TEX11: variants seen among roughly 807,000 people sequenced by gnomAD.
TEX11 encodes testis expressed 11.
TEX11 carries 7 observed loss-of-function variants against 84.4 expected under a neutral mutation model. The observed-to-expected ratio is 0.08, with a 90% CI of 0.05 to 0.16. The LOEUF is 0.16. Among genes scored for constraint, TEX11 ranks in the 10% least tolerant of loss-of-function variants. TEX11 has a pLI of 1.00. For synonymous variants in TEX11, 264 were observed against 222.8 expected, an observed-to-expected ratio of 1.18 and a Z score of -1.64; for missense variants, 551 against 660.5, an observed-to-expected ratio of 0.83 and a Z score of 1.82.
intron 4 of TEX11, among the ~76,000 whole-genome samples, chrX:70,863,253 C>T (rs923894995): frequency 8.9e-6 from 1 of 111,907 alleles, no homozygotes; most frequent in African/African-American, 3.2e-5. Context: ...TCAAGTGGGT[C>T]CCTGACCCCC....
intron 25 of TEX11, among the ~76,000 whole-genome samples, chrX:70,589,876 T>C (rs998698605): frequency 1.8e-5 from 2 of 112,428 alleles, no homozygotes; most frequent in Non-Finnish European, 3.8e-5. Flanking sequence ...TTTAGCACTT[T>C]AAATTCTACT....
intron 9 of TEX11, among the ~76,000 whole-genome samples, chrX:70,761,192 G>A (rs954479048): frequency 8.9e-6 from 1 of 111,914 alleles, no homozygotes; most frequent in Non-Finnish European, 1.9e-5. Context: ...CATTGTGGAA[G>A]ACAGTGTGGC....
intron 17 of TEX11, among the ~76,000 whole-genome samples, chrX:70,640,457 C>A (rs2089640180): frequency 1.9e-5 from 2 of 107,698 alleles, no homozygotes; most frequent in Admixed American, 1.0e-4. Context: ...AACTCCAAGA[C>A]ACATAATTGT....
In TEX11 at chrX:70,805,396, A is replaced by AT. The variant is rs1239950199; in HGVS notation, c.692+1308dup. Among the ~76,000 whole-genome samples, 134 of 103,261 alleles carry AT rather than the reference A, an allele frequency of 1.3e-3. 2 individuals carry two copies. The highest frequency in any genetic ancestry group is 3.8e-3 in the African/African-American group (108 of 28,100). The allele number at this position is 103,261 out of a possible 115,157, so 89.7% of individuals were successfully genotyped here. On this transcript the variant is annotated intron_variant, in intron 9 of 29. Coordinates refer to ENST00000374333, the MANE Select transcript of TEX11 (RefSeq NM_031276.3). ...TTTGATATATTTTACTCCATGATCC[A>AT]TTTTTTTTTCTTTTTTTTTTTTTTG... is the stretch of plus-strand genomic sequence containing the variant.
chrX:70,613,619 T>A (rs1368099830), intron 20 of TEX11, among the ~76,000 whole-genome samples: 1 of 111,331 alleles, frequency 9.0e-6, no homozygotes, highest in African/African-American at 3.3e-5. Context: ...TGAAAGACAG[T>A]CTAGGCCACA....
chrX:70,730,526 T>G (rs1377125931), intron 11 of TEX11, among the ~76,000 whole-genome samples: 8 of 111,557 alleles, frequency 7.2e-5, no homozygotes, highest in African/African-American at 2.0e-4. Flanking sequence ...ATACAGACTT[T>G]AAACCAACAA....
rs758572831 is a variant in TEX11 at position 70,880,128 on chromosome X, A to G, written c.38-19T>C. ...ACAACTTCTGAAATGACAATGGATG[A>G]TAAATGTGCTGTGAACTATTACCAT... On this transcript the variant is annotated intron_variant, in intron 2 of 29. Transcript: ENST00000374333. The G allele has an allele frequency of 1.7e-6, 2 of 1,152,207 alleles. No homozygotes were observed. The highest frequency in any genetic ancestry group is 2.1e-5 in the South Asian group (1 of 48,277). The allele number at this position is 1,152,207 out of a possible 1,213,427, so 95.0% of individuals were successfully genotyped here.
At chrX:70,524,649 T>C (rs1191537206), downstream of TEX11, among the ~76,000 whole-genome samples, 2 of 112,523 alleles carry the variant, frequency 1.8e-5, no homozygotes, top group Non-Finnish European at 3.8e-5. Flanking sequence ...CACTGTAACC[T>C]CCGCCTCCCA....
intron 9 of TEX11, among the ~76,000 whole-genome samples, chrX:70,750,680 C>T (rs2090809824): frequency 1.0e-5 from 1 of 97,695 alleles, no homozygotes; most frequent in South Asian, 5.2e-4. Flanking sequence ...AACAAAAAAC[C>T]AAACACCGCA....
At chrX:70,578,701 T>C (rs1273374940) in intron 25 of TEX11, among the ~76,000 whole-genome samples, 1 of 108,523 alleles carries the variant, frequency 9.2e-6, no homozygotes, top group Non-Finnish European at 1.9e-5. Context: ...AATTGGTTTA[T>C]AGACATAAAT....
chrX:70,819,370 T>G (rs937093495), intron 8 of TEX11, among the ~76,000 whole-genome samples: 3 of 111,813 alleles, frequency 2.7e-5, no homozygotes, highest in Non-Finnish European at 3.8e-5. Flanking sequence ...AGAAAAAGCA[T>G]TTGACAAAAT....
At chrX:70,727,338 A>T (rs764082813) in intron 11 of TEX11, among the ~76,000 whole-genome samples, 1 of 112,125 alleles carries the variant, frequency 8.9e-6, no homozygotes, top group Admixed American at 9.5e-5. Context: ...ATACACATAC[A>T]CACATACACA....
chrX:70,552,332 C>T, intron 27 of TEX11, 86 bp from the exon 28 acceptor site: 1 of 1,073,063 alleles, frequency 9.3e-7, no homozygotes, highest in Non-Finnish European at 1.2e-6. Context: ...GGATCTCATC[C>T]CAGACTAACA....
chrX:70,814,418 G>T (rs1432203146), intron 8 of TEX11, among the ~76,000 whole-genome samples: 1 of 112,324 alleles, frequency 8.9e-6, no homozygotes, highest in African/African-American at 3.2e-5. Flanking sequence ...GGCTCTCCCA[G>T]ATACGTAAAG....
chrX:70,679,070 CTGCGATT>C (rs1312420316), intron 14 of TEX11, among the ~76,000 whole-genome samples, 181 bp from the exon 15 acceptor site: 1 of 112,772 alleles, frequency 8.9e-6, no homozygotes, highest in Non-Finnish European at 1.9e-5. Context: ...TGCCGACTGC[CTGCGATT>C]GCAGGCGCGC....
chrX:70,724,279 G>T (rs992401096), intron 12 of TEX11: 34 of 695,080 alleles, frequency 4.9e-5, no homozygotes, highest in Admixed American at 1.8e-4. Context: ...ATCTGTGTAT[G>T]CTGAGGTGAT....
At chrX:70,597,175 T>A (rs2089018670) in intron 24 of TEX11, among the ~76,000 whole-genome samples, 1 of 111,946 alleles carries the variant, frequency 8.9e-6, no homozygotes, top group Non-Finnish European at 1.9e-5. Context: ...GGAAAGATAT[T>A]CCATGTTCAT....
rs1286340491 is a variant in TEX11 at position 70,638,455 on chromosome X, T to C, written c.1484-8720A>G. Among the ~76,000 whole-genome samples, 3 of 111,597 alleles carry C rather than the reference T, an allele frequency of 2.7e-5. No homozygotes were observed. In the East Asian group the frequency reaches 8.5e-4, roughly 31 times the overall value. On this transcript the variant is annotated intron_variant, in intron 17 of 29. Transcript: ENST00000374333. ...GACAAACAAAAGCTGAGGGAGTTCA[T>C]TGCCACCCAGACTTGTCTTACTAGA...
chrX:70,900,416 T>C (rs1363176484), intron 2 of TEX11, among the ~76,000 whole-genome samples: 2 of 88,533 alleles, frequency 2.3e-5, no homozygotes, highest in African/African-American at 4.2e-5. Context: ...AGAAGAAAAT[T>C]GAAAATTTTC....
Sources: allele counts gnomAD v4.1 joint callset (sites outside exome capture counted in the v4.1 genomes callset), GRCh38; gene constraint gnomAD v4.1.1; transcripts MANE v1.5; gene names NCBI Gene and HGNC (gene_info 2026-07-23, HGNC 2026-07-21).